IRF4: variants seen among roughly 807,000 people sequenced by gnomAD.
IRF4 encodes lymphocyte-specific interferon regulatory factor.
A neutral mutation model predicts 55.5 loss-of-function variants in IRF4; 13 were observed. That is an observed-to-expected ratio of 0.23 (90% CI 0.15 to 0.37). The LOEUF (loss-of-function observed/expected upper bound fraction) is 0.37, where lower values mean the gene tolerates loss of function less well. Among genes scored for constraint, IRF4 ranks in the 10% least tolerant of loss-of-function variants. The pLI, the probability that IRF4 is intolerant of heterozygous loss-of-function variation, is 1.00. For missense variants in IRF4, 397 were observed against 593.8 expected, an observed-to-expected ratio of 0.67 and a Z score of 3.44; for synonymous variants, 249 against 240.7, an observed-to-expected ratio of 1.03 and a Z score of -0.32.
chr6:396,760 G>T (rs1448810386), intron 4 of IRF4, among the ~76,000 whole-genome samples: 2 of 73,244 alleles, frequency 2.7e-5, no homozygotes, highest in Non-Finnish European at 4.5e-5. Flanking sequence ...CTCAATGCCA[G>T]TGCTTCCTAT....
chr6:392,926 G>A (rs1342055747), intron 1 of IRF4, among the ~76,000 whole-genome samples, 172 bp from the exon 2 acceptor site: 1 of 142,086 alleles, frequency 7.0e-6, no homozygotes, highest in Admixed American at 6.7e-5. Flanking sequence ...GGATGCGCCC[G>A]GGCCGGCCGC....
At position 393,525 on chromosome 6, in the gene IRF4, G is replaced by A. The variant is rs1425941337; in HGVS notation, c.216+157G>A. Among the ~76,000 whole-genome samples, 6 of 151,972 alleles carry A rather than the reference G, an allele frequency of 3.9e-5. No homozygotes were observed. The highest frequency in any genetic ancestry group is 3.3e-4 in the Admixed American group (5 of 15,274). On this transcript the variant is annotated intron_variant, in intron 2 of 8. Coordinates refer to ENST00000380956, the MANE Select transcript of IRF4 (RefSeq NM_002460.4). This position sits in a 1 kb window ranked among gnomAD's most constrained non-coding sequence, Gnocchi z 5.4. ...GGTGGCGTCGCCGGAGCCGCAGGAG[G>A]AGGAAAGGAGGCCTCGGCTCTCAGC...
chr6:399,760 G>A (rs1561714892), intron 6 of IRF4, among the ~76,000 whole-genome samples: 1 of 152,202 alleles, frequency 6.6e-6, no homozygotes, highest in Non-Finnish European at 1.5e-5. Flanking sequence ...GGCGAGAGTT[G>A]TGGCACTTTT....
At chr6:398,772 CG>C in intron 5 of IRF4, 55 bp from the exon 6 acceptor site, 1 of 1,312,394 alleles carries the variant, frequency 7.6e-7, no homozygotes, top group Non-Finnish European at 1.1e-6. Flanking sequence ...CAGGAAGCCC[CG>C]CGGTGCGTCG....
At chr6:401,070 C>T (rs78073965) in intron 6 of IRF4, among the ~76,000 whole-genome samples, 6,245 of 152,210 alleles carry the variant, frequency 0.041, 281 homozygotes, top group East Asian at 0.21. Context: ...TAGTGATGCT[C>T]TATAATAGGA....
intron 5 of IRF4, among the ~76,000 whole-genome samples, chr6:398,224 AAG>A (rs1761317255): frequency 6.6e-6 from 1 of 152,224 alleles, no homozygotes. Flanking sequence ...AACCATGGGA[AAG>A]AGGCAATGCT....
At position 397,138 on chromosome 6, in the gene IRF4, G is replaced by T; in HGVS notation, c.523G>T (p.Asp175Tyr). 6.2e-7 allele frequency: 1 copy of T among 1,614,100 alleles called. No homozygotes were observed. Among genetic ancestry groups the T allele is most frequent in the South Asian group, 1.1e-5 (1 of 91,056 alleles). Reference protein sequence around the residue: ...QVHNYMMPPLDRSWRDYVPDQ... With the variant: ...QVHNYMMPPLYRSWRDYVPDQ... ...TCACAACTACATGATGCCACCCCTC[G>T]ACCGAAGCTGGAGGGACTACGTCCC... Residue 175 changes from aspartate (D) to tyrosine (Y), a missense_variant, in exon 5 of 9, where the codon GAC (aspartate) becomes TAC (tyrosine). Coordinates refer to ENST00000380956, the MANE Select transcript of IRF4 (RefSeq NM_002460.4).
intron 1 of IRF4, among the ~76,000 whole-genome samples, chr6:392,636 G>A (rs964434974): frequency 6.6e-6 from 1 of 152,188 alleles, no homozygotes; most frequent in Non-Finnish European, 1.5e-5. Flanking sequence ...CCCGGCCGCA[G>A]GCGAGGTCCT....
chr6:406,384 A>C (rs529259605), intron 8 of IRF4, among the ~76,000 whole-genome samples: 2 of 152,274 alleles, frequency 1.3e-5, no homozygotes, highest in African/African-American at 4.8e-5. Flanking sequence ...TCTACTAAAA[A>C]TACAAAAATT....
chr6:395,815 T>C (rs757270991), intron 3 of IRF4, 32 bp from the exon 4 acceptor site: 2 of 1,544,886 alleles, frequency 1.3e-6, no homozygotes, highest in East Asian at 2.3e-5. Context: ...TGTTTTTACG[T>C]TGTGCCATTT....
intron 8 of IRF4, 128 bp downstream of exon 8, chr6:405,258 A>T: frequency 3.2e-6 from 2 of 631,954 alleles, no homozygotes. Flanking sequence ...TAACCCTTAA[A>T]CTAGTGAGGG....
intron 7 of IRF4, among the ~76,000 whole-genome samples, chr6:404,410 C>T (rs958892156): frequency 6.6e-6 from 1 of 152,194 alleles, no homozygotes. Flanking sequence ...TCCCTGGAGA[C>T]AGGCAAGAAG....
intron 7 of IRF4, among the ~76,000 whole-genome samples, chr6:402,167 C>A (rs972324299): frequency 6.6e-6 from 1 of 152,162 alleles, no homozygotes; most frequent in Non-Finnish European, 1.5e-5. Context: ...AGGTGTGTCA[C>A]CCTCATGCAG....
intron 5 of IRF4, 71 bp downstream of exon 5, chr6:397,323 G>T: frequency 6.4e-7 from 1 of 1,560,568 alleles, no homozygotes; most frequent in Non-Finnish European, 8.8e-7. Flanking sequence ...GGCGAATCCT[G>T]GTCTGTCCTG....
intron 2 of IRF4, among the ~76,000 whole-genome samples, chr6:394,306 C>A (rs951503723): frequency 2.0e-5 from 3 of 152,168 alleles, no homozygotes; most frequent in African/African-American, 7.2e-5. Flanking sequence ...TATAAATACC[C>A]AGAAAATGTG....
chr6:395,231 A>G (rs181192513), intron 3 of IRF4, among the ~76,000 whole-genome samples: 118 of 143,238 alleles, frequency 8.2e-4, no homozygotes, highest in African/African-American at 3.2e-3. Context: ...GTATGCCTCA[A>G]TGTATATGGG....
intron 6 of IRF4, 127 bp from the exon 7 acceptor site, chr6:401,297 C>A (rs1484906758): frequency 1.0e-5 from 7 of 702,402 alleles, no homozygotes; most frequent in Non-Finnish European, 1.6e-5. Context: ...ACGCGGGAAC[C>A]TTTTGTTCCC....
chr6:405,184 C>A, intron 8 of IRF4, 54 bp downstream of exon 8: 1 of 969,896 alleles, frequency 1.0e-6, no homozygotes, highest in Non-Finnish European at 1.6e-6. Context: ...TTGTAAAGGC[C>A]AGAGTTTCAT....
intron 7 of IRF4, among the ~76,000 whole-genome samples, chr6:404,110 C>T (rs1220758217): frequency 6.6e-6 from 1 of 152,210 alleles, no homozygotes; most frequent in African/African-American, 2.4e-5. Flanking sequence ...GGGTGTGTAT[C>T]TGATAAGGAC....
Sources: gnomAD v4.1 joint callset for allele counts (sites outside exome capture counted in the v4.1 genomes callset) on GRCh38, gnomAD v4.1.1 for gene constraint, Gnocchi (gnomAD v3.1) non-coding constraint, MANE v1.5 for transcripts, NCBI Gene and HGNC (gene_info 2026-07-23, HGNC 2026-07-21) for gene names.